Variants in DCDC2 observed in about 807,000 individuals in gnomAD.
DCDC2 encodes the protein doublecortin domain containing 2.
In DCDC2, 40 loss-of-function variants were observed where a neutral mutation model predicts 50.2. The ratio of observed to expected loss-of-function variants is 0.80; its 90% confidence interval spans 0.62 to 1.04. DCDC2 has a LOEUF of 1.04. DCDC2 is among the 50% of genes least tolerant of loss of function. DCDC2 has a pLI of 0.00. For synonymous variants in DCDC2, 234 were observed against 210.6 expected (o/e 1.11, Z -0.96); for missense variants, 570 against 581.9 (o/e 0.98, Z 0.21).
chr6:24,211,475 A>G (rs1190364867), intron 7 of DCDC2, among the ~76,000 whole-genome samples: 2 of 152,210 alleles, frequency 1.3e-5, no homozygotes, highest in Admixed American at 6.5e-5. Context: ...TGACATGGCA[A>G]AGAGGAATTA....
intron 7 of DCDC2, among the ~76,000 whole-genome samples, chr6:24,246,203 G>A (rs1156278536): frequency 6.6e-6 from 1 of 151,920 alleles, no homozygotes; most frequent in Non-Finnish European, 1.5e-5. Context: ...AAACATGAGA[G>A]ATCAAATCCC....
intron 2 of DCDC2, among the ~76,000 whole-genome samples, chr6:24,331,479 T>A (rs191789537): frequency 1.3e-5 from 2 of 152,032 alleles, no homozygotes; most frequent in African/African-American, 4.8e-5. Flanking sequence ...GTATATTATA[T>A]ACAAAATGGT....
At chr6:24,259,352 G>A (rs994221148) in intron 7 of DCDC2, among the ~76,000 whole-genome samples, 1 of 152,114 alleles carries the variant, frequency 6.6e-6, no homozygotes, top group African/African-American at 2.4e-5. Flanking sequence ...AAAAATGAAA[G>A]TTTTGTTGTT....
At chr6:24,363,639 C>A in the DCDC2 span, among the ~76,000 whole-genome samples, 4 of 152,298 alleles carry the variant, frequency 2.6e-5, no homozygotes, top group African/African-American at 9.6e-5. Context: ...TAAAACCAGA[C>A]CACATTGCAC....
At chr6:24,310,986 T>C (rs1759561435) in intron 2 of DCDC2, among the ~76,000 whole-genome samples, 1 of 152,192 alleles carries the variant, frequency 6.6e-6, no homozygotes, top group South Asian at 2.1e-4. Context: ...TAGCATGGTC[T>C]AACCAGGATT....
rs1053879571 is a variant in DCDC2 at position 24,352,938 on chromosome 6, A to T, written c.348+631T>A. On this transcript the variant is annotated intron_variant, in intron 2 of 9. Coordinates refer to ENST00000378454, the MANE Select transcript of DCDC2 (RefSeq NM_016356.5). The stretch of plus-strand genomic sequence containing the variant: ...TTGTTTTTAATCTATTTTTTCATTC[A>T]CAAACTAAAGAATACATCCTACAGA... Among the ~76,000 whole-genome samples, 4 of 152,160 alleles carry T rather than the reference A, an allele frequency of 2.6e-5. No homozygotes were observed. The East Asian group carries it at 7.7e-4, about 29-fold the overall frequency.
chr6:24,245,386 T>C (rs1375212677), intron 7 of DCDC2, among the ~76,000 whole-genome samples: 1 of 152,136 alleles, frequency 6.6e-6, no homozygotes, highest in Non-Finnish European at 1.5e-5. Flanking sequence ...ATGCCAGCTG[T>C]CCACTAGACC....
At chr6:24,322,209 G>T (rs1187159762) in intron 2 of DCDC2, among the ~76,000 whole-genome samples, 1 of 151,910 alleles carries the variant, frequency 6.6e-6, no homozygotes. Context: ...TGGTATTTTT[G>T]CTCCCTGAAG....
At chr6:24,276,612 G>T (rs569811105) in intron 7 of DCDC2, among the ~76,000 whole-genome samples, 55 of 152,170 alleles carry the variant, frequency 3.6e-4, no homozygotes, top group Middle Eastern at 3.4e-3. Flanking sequence ...TCACAATCTA[G>T]TATCTATTAA....
At chr6:24,358,512 TAAAAAA>T (rs966038766), upstream of DCDC2, among the ~76,000 whole-genome samples, 2 of 75,906 alleles carry the variant, frequency 2.6e-5, no homozygotes, top group African/African-American at 1.2e-4. Flanking sequence ...TCTCTACAAT[TAAAAAA>T]AAAAAAAAAA....
chr6:24,305,547 A>T (rs1759455026), intron 2 of DCDC2, among the ~76,000 whole-genome samples: 2 of 152,210 alleles, frequency 1.3e-5, no homozygotes, highest in Non-Finnish European at 2.9e-5. Context: ...ACACAAAAAA[A>T]TTAAACCAAA....
intron 8 of DCDC2, among the ~76,000 whole-genome samples, chr6:24,197,892 T>G (rs967682917): frequency 1.3e-5 from 2 of 152,172 alleles, no homozygotes; most frequent in African/African-American, 4.8e-5. Flanking sequence ...ACTCCAATCC[T>G]CCACTTAGAA....
chr6:24,181,009 G>T (rs1462884799), intron 8 of DCDC2, among the ~76,000 whole-genome samples: 2 of 152,328 alleles, frequency 1.3e-5, no homozygotes, highest in South Asian at 2.1e-4. Flanking sequence ...AAAACTAGTT[G>T]TTCTTAGATA....
intron 2 of DCDC2, among the ~76,000 whole-genome samples, chr6:24,343,955 T>A (rs1388472896): frequency 6.6e-6 from 1 of 152,224 alleles, no homozygotes; most frequent in Non-Finnish European, 1.5e-5. Flanking sequence ...ACCTCACATA[T>A]TTATCACTTT....
intron 8 of DCDC2, 84 bp from the exon 9 acceptor site, chr6:24,178,716 T>C (rs1405163502): frequency 2.8e-5 from 37 of 1,314,292 alleles, no homozygotes; most frequent in Non-Finnish European, 3.5e-5. Flanking sequence ...GTAATACTTA[T>C]ATTACAGTCA....
At chr6:24,196,662 G>A (rs531607037) in intron 8 of DCDC2, among the ~76,000 whole-genome samples, 1 of 152,252 alleles carries the variant, frequency 6.6e-6, no homozygotes, top group South Asian at 2.1e-4. Flanking sequence ...GACTTTAGGT[G>A]ATCCAGACCA....
rs576478017 is a variant in DCDC2 at position 24,301,238 on chromosome 6, G to A, written c.557+477C>T. 4.6e-5 allele frequency among the ~76,000 whole-genome samples: 7 copies of A among 151,998 alleles called. No homozygotes were observed. The South Asian group carries it at 1.5e-3, about 32-fold the overall frequency. On this transcript the variant is annotated intron_variant, in intron 4 of 9. Transcript: ENST00000378454. The stretch of plus-strand genomic sequence containing the variant: ...TACAAAAAATTAGCCGGGCGTGGTG[G>A]TGGGCGCCTGTGGTCCCAGCTACTC...
chr6:24,215,923 A>T lies in DCDC2; in HGVS notation c.923-10821T>A, dbSNP rs189527050. Reference sequence around the variant, plus strand: ...ACTGCCAGGATGTGAGAGTTGAGGGAAACAGAAGAGCTGAAGAAGGACTCT... The same window carrying T: ...ACTGCCAGGATGTGAGAGTTGAGGGTAACAGAAGAGCTGAAGAAGGACTCT... On this transcript the variant is annotated intron_variant, in intron 7 of 9. Transcript: ENST00000378454. Among the ~76,000 whole-genome samples the T allele has an allele frequency of 1.8e-4, 27 of 152,308 alleles. No homozygotes were observed. The East Asian group carries it at 5.2e-3, about 29-fold the overall frequency.
intron 8 of DCDC2, among the ~76,000 whole-genome samples, chr6:24,182,971 C>G (rs144887191): frequency 6.6e-6 from 1 of 152,228 alleles, no homozygotes; most frequent in East Asian, 1.9e-4. Flanking sequence ...ATCATTCAGC[C>G]TTACAAAGAA....
Sources: allele counts gnomAD v4.1 joint callset (sites outside exome capture counted in the v4.1 genomes callset), GRCh38; gene constraint gnomAD v4.1.1; transcripts MANE v1.5; gene names NCBI Gene and HGNC (gene_info 2026-07-23, HGNC 2026-07-21).